The following ANO2 variants were observed in gnomAD, a reference collection of about 807,000 sequenced individuals.
The protein encoded by ANO2 is anoctamin-2.
A neutral mutation model predicts 124.2 loss-of-function variants in ANO2; 101 were observed. The ratio of observed to expected loss-of-function variants is 0.81; its 90% confidence interval spans 0.69 to 0.96. The LOEUF (loss-of-function observed/expected upper bound fraction) is 0.96. Ranked by LOEUF, ANO2 falls within the 40% of genes least tolerant of loss-of-function variation. ANO2 has a pLI of 0.00. For missense variants in ANO2, 1,293 were observed against 1,274.5 expected, an observed-to-expected ratio of 1.01 and a Z score of -0.22; for synonymous variants, 486 against 482.5, an observed-to-expected ratio of 1.01 and a Z score of -0.09.
rs909962865 is a variant in ANO2 at position 5,908,587 on chromosome 12, A to T, written c.534+12453T>A. On this transcript the variant is annotated intron_variant, in intron 3 of 24. Transcript: ENST00000682330. This position sits in a 1 kb window ranked among gnomAD's most constrained non-coding sequence, Gnocchi z 4.7. ...TAAACACATTCTGGGAGACATCAGAATGGACCCAGGGTTCCCTAGGAGGCA... is the reference window on the plus strand; with the variant it reads ...TAAACACATTCTGGGAGACATCAGATTGGACCCAGGGTTCCCTAGGAGGCA... 6.6e-6 allele frequency among the ~76,000 whole-genome samples: 1 copy of T among 152,186 alleles called. No individual in the cohort carries two copies. Among genetic ancestry groups the T allele is most frequent in the Non-Finnish European group, 1.5e-5 (1 of 68,024 alleles).
intron 3 of ANO2, among the ~76,000 whole-genome samples, chr12:5,896,781 G>T (rs554334098): frequency 6.6e-6 from 1 of 152,146 alleles, no homozygotes; most frequent in Non-Finnish European, 1.5e-5. Flanking sequence ...AGCCCCAACT[G>T]GTTGGGATCT....
At chr12:5,896,135 G>A (rs916487505) in intron 3 of ANO2, among the ~76,000 whole-genome samples, 15 of 151,974 alleles carry the variant, frequency 9.9e-5, no homozygotes, top group African/African-American at 3.6e-4. Context: ...CTGGAAGGGG[G>A]GTGAGGTATA....
Position 5,854,075 on chromosome 12 carries a change from C to T in ANO2, c.601G>A (p.Glu201Lys), listed in dbSNP as rs1385797981. The T allele has an allele frequency of 6.2e-7, 1 of 1,613,514 alleles. No homozygotes were observed. Among genetic ancestry groups the T allele is most frequent in the African/African-American group, 1.3e-5 (1 of 74,914 alleles). The change falls in exon 4 of 25, where the codon GAA becomes AAA. Residue 201 changes from glutamate to lysine, a missense_variant. Transcript: ENST00000682330. Reference protein sequence around the residue: ...APWQVLAREAEFLKIKVPTKK... With the variant: ...APWQVLAREAKFLKIKVPTKK... ...GTAGGAACTTTGATCTTCAAGAATT[C>T]TGCCTCTCTGGCCAGCACCTGCCAC...
At chr12:5,792,140 A>T (rs936783934) in intron 10 of ANO2, among the ~76,000 whole-genome samples, 1 of 152,212 alleles carries the variant, frequency 6.6e-6, no homozygotes, top group African/African-American at 2.4e-5. Flanking sequence ...GAGGCTCAAG[A>T]GAGAATGACT....
chr12:5,878,043 A>G (rs1286350442), intron 3 of ANO2, among the ~76,000 whole-genome samples: 1 of 152,234 alleles, frequency 6.6e-6, no homozygotes, highest in Non-Finnish European at 1.5e-5. Flanking sequence ...ACTAAGAGTC[A>G]TGTCTGTTAT....
At chr12:5,791,248 CAA>C (rs1303521496) in intron 10 of ANO2, among the ~76,000 whole-genome samples, 1 of 150,476 alleles carries the variant, frequency 6.6e-6, no homozygotes, top group African/African-American at 2.5e-5. Flanking sequence ...ACTCAGTTGA[CAA>C]AAGCAAGAAG....
chr12:5,662,041 C>T (rs919883604), intron 14 of ANO2, among the ~76,000 whole-genome samples: 1 of 152,240 alleles, frequency 6.6e-6, no homozygotes, highest in South Asian at 2.1e-4. Flanking sequence ...CCCCCACCCT[C>T]AAGCTGATTA....
intron 10 of ANO2, among the ~76,000 whole-genome samples, chr12:5,790,205 C>T (rs1273741883): frequency 1.3e-5 from 2 of 152,190 alleles, no homozygotes; most frequent in African/African-American, 4.8e-5. Flanking sequence ...GGCTGAATGA[C>T]CTTCCCAGAG....
chr12:5,812,201 A>G (rs1469803252), intron 7 of ANO2, among the ~76,000 whole-genome samples: 1 of 138,022 alleles, frequency 7.2e-6, no homozygotes, highest in African/African-American at 2.8e-5. Flanking sequence ...GAAGGGAGGG[A>G]AGAAAAGGGA....
chr12:5,563,423 T>C lies in ANO2; in HGVS notation c.2873A>G (p.Glu958Gly). The part of the protein sequence containing the change: ...EEHEKLKLMD[E>G]PALRSPGGGD... ...ACCTCCTGGGCTCCTCAGAGCCGGCTCATCCATCAGCTTGAGCTTCTCATG... is the reference window on the plus strand; with the variant it reads ...ACCTCCTGGGCTCCTCAGAGCCGGCCCATCCATCAGCTTGAGCTTCTCATG... Residue 958 changes from glutamate to glycine, a missense_variant, in exon 25 of 25, where the codon GAG (glutamate) becomes GGG (glycine). Coordinates refer to ENST00000682330, the MANE Select transcript of ANO2 (RefSeq NM_001364791.2). 7 of 1,613,050 alleles carry C rather than the reference T, an allele frequency of 4.3e-6. No individual in the cohort carries two copies. The highest frequency in any genetic ancestry group is 5.9e-6 in the Non-Finnish European group (7 of 1,179,558).
intron 14 of ANO2, among the ~76,000 whole-genome samples, chr12:5,725,696 C>G (rs760747003): frequency 9.9e-5 from 15 of 152,042 alleles, no homozygotes; most frequent in Non-Finnish European, 2.1e-4. Context: ...GGCTCCTGGG[C>G]TCTGGTAAGG....
intron 3 of ANO2, among the ~76,000 whole-genome samples, chr12:5,867,800 A>AC (rs200855677): frequency 6.7e-5 from 10 of 148,786 alleles, no homozygotes; most frequent in African/African-American, 2.0e-4. Flanking sequence ...AAAAAAAAAA[A>AC]CCAGTGGATT....
At chr12:5,702,886 A>C (rs1239729512) in intron 14 of ANO2, among the ~76,000 whole-genome samples, 1 of 152,246 alleles carries the variant, frequency 6.6e-6, no homozygotes, top group African/African-American at 2.4e-5. Context: ...GGGATATAGA[A>C]TAAGAAGAAT....
Position 5,570,509 on chromosome 12 carries a change from A to G in ANO2, c.2622-4846T>C, listed in dbSNP as rs1387603532. ...GAAGATTTTTTATTCCAAAGTCTCC[A>G]TTTTTACAGATGAAAAAACTGAGGT... On this transcript the variant is annotated intron_variant, in intron 23 of 24. Transcript: ENST00000682330. Among the ~76,000 whole-genome samples the G allele has an allele frequency of 2.6e-5, 4 of 152,210 alleles. No individual in the cohort carries two copies. In the East Asian group the frequency reaches 7.7e-4, roughly 29 times the overall value.
intron 4 of ANO2, among the ~76,000 whole-genome samples, chr12:5,851,769 T>TG (rs1014526524): frequency 2.9e-5 from 4 of 138,408 alleles, no homozygotes; most frequent in Non-Finnish European, 6.3e-5. Flanking sequence ...GCATCAGAGG[T>TG]GGGGGGTGGA....
intron 10 of ANO2, among the ~76,000 whole-genome samples, chr12:5,778,875 A>C (rs917996605): frequency 6.6e-6 from 1 of 152,234 alleles, no homozygotes; most frequent in African/African-American, 2.4e-5. Flanking sequence ...TGGAATGATT[A>C]TGTGAGGCAT....
At chr12:5,660,894 C>A (rs527253020) in intron 14 of ANO2, among the ~76,000 whole-genome samples, 1 of 152,268 alleles carries the variant, frequency 6.6e-6, no homozygotes, top group Non-Finnish European at 1.5e-5. Flanking sequence ...CCCCACAAAG[C>A]AATTTTGTGC....
intron 16 of ANO2, among the ~76,000 whole-genome samples, chr12:5,626,291 G>A (rs902219125): frequency 6.6e-6 from 1 of 152,056 alleles, no homozygotes; most frequent in Non-Finnish European, 1.5e-5. Context: ...CCTTGCTATG[G>A]GTCAGGGTGT....
In ANO2 at chr12:5,921,052, C is replaced by A. The variant is rs540523526; in HGVS notation, c.522G>T (p.Glu174Asp). Residue 174 changes from glutamate to aspartate, a missense_variant, in exon 3 of 25, where the codon GAG becomes GAT. Physicochemically the swap from Glu to Asp is conservative, Grantham distance 45 (BLOSUM62 2). Coordinates refer to ENST00000682330, the MANE Select transcript of ANO2 (RefSeq NM_001364791.2). Reference protein sequence around the residue: ...HNLMEAGLELEKDLENKSQGS... With the variant: ...HNLMEAGLELDKDLENKSQGS... ...CCGCCTGACTCACCTCCAAGTCCTT[C>A]TCAAGCTCCAGTCCAGCCTCCATCA... 1.2e-6 allele frequency: 2 copies of A among 1,607,002 alleles called. No homozygotes were observed. The highest frequency in any genetic ancestry group is 4.5e-5 in the East Asian group (2 of 44,632).
Sources: gnomAD v4.1 joint callset for allele counts (sites outside exome capture counted in the v4.1 genomes callset) on GRCh38, gnomAD v4.1.1 for gene constraint, Gnocchi (gnomAD v3.1) non-coding constraint, MANE v1.5 for transcripts, NCBI Gene and HGNC (gene_info 2026-07-23, HGNC 2026-07-21) for gene names.